Variants in GP6 observed in about 807,000 individuals in gnomAD.
GP6 encodes platelet glycoprotein VI.
In GP6, 45 loss-of-function variants were observed where a neutral mutation model predicts 37.3. That is an observed-to-expected ratio of 1.21 (90% CI 0.95 to 1.55). The LOEUF is 1.55. Among genes scored for constraint, GP6 ranks in the 40% most tolerant of loss-of-function variants. The pLI, the probability that GP6 is intolerant of heterozygous loss-of-function variation, is 0.00. For missense variants in GP6, 813 were observed against 760.2 expected, an observed-to-expected ratio of 1.07 and a Z score of -0.82; for synonymous variants, 340 against 316.4, an observed-to-expected ratio of 1.07 and a Z score of -0.79.
chr19:55,016,367 C>T (rs866864276), intron 6 of GP6, among the ~76,000 whole-genome samples: 3 of 140,092 alleles, frequency 2.1e-5, no homozygotes, highest in African/African-American at 5.4e-5. Context: ...GCACCTCATA[C>T]GTGCCAGCTT....
chr19:55,025,362 C>T (rs964419339), intron 4 of GP6, 91 bp from the exon 5 acceptor site: 30 of 839,050 alleles, frequency 3.6e-5, no homozygotes, highest in South Asian at 2.7e-4. Context: ...GTTTCCTCAC[C>T]GGAAAAATGA....
intron 3 of GP6, among the ~76,000 whole-genome samples, chr19:55,030,895 C>G (rs2074537793): frequency 6.6e-6 from 1 of 152,106 alleles, no homozygotes; most frequent in African/African-American, 2.4e-5. Context: ...GTCACCCAGG[C>G]TGGAGTGCAG....
At chr19:55,030,670 A>T (rs570238821) in intron 3 of GP6, among the ~76,000 whole-genome samples, 2,562 of 151,974 alleles carry the variant, frequency 0.017, 53 homozygotes, top group Non-Finnish European at 0.026. Flanking sequence ...AAAAATAAAT[A>T]AATAAGAAAA....
At chr19:55,029,382 T>A (rs77922532) in intron 3 of GP6, among the ~76,000 whole-genome samples, 6 of 28,300 alleles carry the variant, frequency 2.1e-4, no homozygotes, top group African/African-American at 6.0e-4. Context: ...ATATTTTTTT[T>A]TTTTTTTTTT....
chr19:55,037,938 G>A (rs2074899781), intron 1 of GP6, among the ~76,000 whole-genome samples: 3 of 151,934 alleles, frequency 2.0e-5, no homozygotes, highest in African/African-American at 2.4e-5. Context: ...TTTAAAAAAG[G>A]GGCAACTGCA....
At chr19:55,024,300 G>GCACACACACACGCACGCA (rs369345826) in intron 5 of GP6, among the ~76,000 whole-genome samples, 153 of 121,934 alleles carry the variant, frequency 1.3e-3, no homozygotes, top group Middle Eastern at 4.2e-3. Context: ...ATGCACGCAT[G>GCACACACACACGCACGCA]CACACACATA....
At chr19:55,030,116 T>C (rs1250007628) in intron 3 of GP6, among the ~76,000 whole-genome samples, 2 of 152,274 alleles carry the variant, frequency 1.3e-5, no homozygotes, top group African/African-American at 4.8e-5. Flanking sequence ...CCCTGAAAGA[T>C]TTATTAGAAT....
intron 6 of GP6, among the ~76,000 whole-genome samples, chr19:55,016,600 T>C (rs956995437): frequency 6.6e-6 from 1 of 151,810 alleles, no homozygotes; most frequent in Non-Finnish European, 1.5e-5. Flanking sequence ...GGTTTTGAAC[T>C]CCTGACCTTG....
chr19:55,015,676 TACTC>T lies in GP6; in HGVS notation c.778_779+2del. 2.6e-6 allele frequency: 4 copies of T among 1,538,836 alleles called. No homozygotes were observed. The highest frequency in any genetic ancestry group is 1.1e-5 in the South Asian group (1 of 89,596). ...GGAAGGGGGTCTGGAGAGGATGACT[TACTC>T]ACCAGCTGGAGAGTCTGACTCCTTT... is the stretch of plus-strand genomic sequence containing the variant. On this transcript the variant is annotated splice_donor_variant and coding_sequence_variant, in exon 7 of 8. Transcript: ENST00000310373. LOFTEE classifies it high-confidence loss of function.
chr19:55,024,316 G>GCACACATGCACA (rs1568613004), intron 5 of GP6, among the ~76,000 whole-genome samples: 9 of 140,232 alleles, frequency 6.4e-5, no homozygotes, highest in South Asian at 2.3e-4. Context: ...ACATATGCAC[G>GCACACATGCACA]CACACACACA....
chr19:55,025,797 T>A (rs2146801438), intron 4 of GP6, among the ~76,000 whole-genome samples: 1 of 150,816 alleles, frequency 6.6e-6, no homozygotes, highest in South Asian at 2.1e-4. Flanking sequence ...AGGTCAAGAG[T>A]TCAAGACCAG....
chr19:55,027,443 C>T, intron 4 of GP6, 135 bp downstream of exon 4: 1 of 650,392 alleles, frequency 1.5e-6, no homozygotes, highest in South Asian at 1.8e-5. Context: ...CACTTCCTTC[C>T]CACCTACGGC....
In GP6 at chr19:55,014,927, A is replaced by G. The variant is rs1197815903; in HGVS notation, c.1018T>C (p.Phe340Leu). ...CGTGCCTGGGGTTCAGCGGTCATGA[A>G]CATAACCCGCGGCTGTGAACATCCT... is the stretch of plus-strand genomic sequence containing the variant. The change falls in exon 8 of 8, where the codon TTC (phenylalanine) becomes CTC (leucine). Residue 340 changes from phenylalanine (F) to leucine (L), a missense_variant. Physicochemically the swap from Phe to Leu is conservative, Grantham distance 22 (BLOSUM62 0). Coordinates refer to ENST00000310373, the MANE Select transcript of GP6 (RefSeq NM_001083899.2). The G allele has an allele frequency of 6.2e-7, 1 of 1,613,548 alleles. No homozygotes were observed. Among genetic ancestry groups the G allele is most frequent in the African/African-American group, 1.3e-5 (1 of 74,864 alleles).
intron 7 of GP6, 107 bp from the exon 8 acceptor site, chr19:55,015,272 G>A (rs988885245): frequency 3.3e-6 from 5 of 1,525,242 alleles, no homozygotes; most frequent in South Asian, 1.2e-5. Flanking sequence ...TACTAGCTAG[G>A]GGATGCCGCT....
intron 1 of GP6, among the ~76,000 whole-genome samples, chr19:55,034,379 A>T (rs1456994163): frequency 6.6e-6 from 1 of 152,008 alleles, no homozygotes; most frequent in Middle Eastern, 3.2e-3. Context: ...ACATGGTGAA[A>T]CACCATCTCT....
rs1449156832 is a variant in GP6 at position 55,014,568 on chromosome 19, A to T, written c.1377T>A (p.Ala459=). 2 of 1,613,206 alleles carry T rather than the reference A, an allele frequency of 1.2e-6. No homozygotes were observed. The highest frequency in any genetic ancestry group is 1.7e-5 in the Admixed American group (1 of 59,944). Residue 459 remains alanine (A), a synonymous_variant, in exon 8 of 8, where the codon GCT becomes GCA. Coordinates refer to ENST00000310373, the MANE Select transcript of GP6 (RefSeq NM_001083899.2). ...AGGATGGAACAGAGTCAACCCTGAG[A>T]GCTGGGAACCTTAGAGATCCGTCTG...
intron 1 of GP6, among the ~76,000 whole-genome samples, chr19:55,035,985 A>G (rs1333550302): frequency 6.6e-6 from 1 of 151,896 alleles, no homozygotes; most frequent in Non-Finnish European, 1.5e-5. Flanking sequence ...AGGCAGGAGA[A>G]TCACTTAAAC....
chr19:55,021,702 A>G (rs1476519545), intron 5 of GP6, among the ~76,000 whole-genome samples: 1 of 151,464 alleles, frequency 6.6e-6, no homozygotes, highest in East Asian at 2.0e-4. Context: ...TTGTATTTTT[A>G]ATAGAGACGG....
rs778339783 is a variant in GP6 at position 55,027,716 on chromosome 19, C to T, written c.472G>A (p.Glu158Lys). The change falls in exon 4 of 8, where the codon GAG (glutamate) becomes AAG (lysine). Residue 158 changes from glutamate (E) to lysine (K), a missense_variant. By Grantham distance (56) the Glu-to-Lys change is moderately conservative (BLOSUM62 1). Transcript: ENST00000310373. The stretch of plus-strand genomic sequence containing the variant: ...GGAAAACTAGCCCTGTACCATCTCT[C>T]GGGATTCTTGTAGGGCGCAGGGTCC... 3.1e-6 allele frequency: 5 copies of T among 1,613,678 alleles called. No homozygotes were observed. Among genetic ancestry groups the T allele is most frequent in the East Asian group, 4.5e-5 (2 of 44,890 alleles).
Sources: gnomAD v4.1 joint callset for allele counts (sites outside exome capture counted in the v4.1 genomes callset) on GRCh38, gnomAD v4.1.1 for gene constraint, MANE v1.5 for transcripts, NCBI Gene and HGNC (gene_info 2026-07-23, HGNC 2026-07-21) for gene names.